Variants in FRMD3 observed in about 807,000 individuals in gnomAD.
FRMD3 encodes FERM domain containing 3.
FRMD3 carries 33 observed loss-of-function variants against 70.2 expected under a neutral mutation model. The observed-to-expected ratio is 0.47, with a 90% CI of 0.36 to 0.63. The LOEUF is 0.63. FRMD3 is among the 20% of genes least tolerant of loss of function. FRMD3 has a pLI of 0.00. For synonymous variants in FRMD3, 279 were observed against 255.9 expected, an observed-to-expected ratio of 1.09 and a Z score of -0.86; for missense variants, 632 against 711.4, an observed-to-expected ratio of 0.89 and a Z score of 1.27.
chr9:83,277,147 T>C (rs935534140), intron 13 of FRMD3, among the ~76,000 whole-genome samples: 3 of 152,224 alleles, frequency 2.0e-5, no homozygotes, highest in Non-Finnish European at 2.9e-5. Context: ...TGTATGTCCA[T>C]TGAATATAAA....
chr9:83,263,148 A>C (rs1209851675), intron 13 of FRMD3, among the ~76,000 whole-genome samples: 2 of 152,236 alleles, frequency 1.3e-5, no homozygotes, highest in Non-Finnish European at 2.9e-5. Context: ...CAGCAACGGC[A>C]TGAGGGGAAG....
intron 13 of FRMD3, among the ~76,000 whole-genome samples, chr9:83,255,929 G>A (rs1182434365): frequency 6.6e-6 from 1 of 152,140 alleles, no homozygotes. Context: ...TCAATATTGT[G>A]AAAATGGCCA....
At chr9:83,577,570 C>T in the FRMD3 span, among the ~76,000 whole-genome samples, 1 of 151,924 alleles carries the variant, frequency 6.6e-6, no homozygotes, top group African/African-American at 2.4e-5. Flanking sequence ...GATCATAGAC[C>T]TAAATGCAAA....
At chr9:83,301,335 C>T (rs1246780249) in intron 10 of FRMD3, among the ~76,000 whole-genome samples, 2 of 152,180 alleles carry the variant, frequency 1.3e-5, no homozygotes, top group African/African-American at 4.8e-5. Context: ...TGTGGCCTGA[C>T]ACTTTATCTA....
At chr9:83,286,538 G>C (rs1484497032) in intron 13 of FRMD3, among the ~76,000 whole-genome samples, 1 of 152,092 alleles carries the variant, frequency 6.6e-6, no homozygotes, top group East Asian at 1.9e-4. Flanking sequence ...CACCATGTTG[G>C]TCAGGCTAGT....
chr9:83,581,905 G>A, the FRMD3 span, among the ~76,000 whole-genome samples: 1 of 152,106 alleles, frequency 6.6e-6, no homozygotes, highest in East Asian at 1.9e-4. Flanking sequence ...GAGAAATGGG[G>A]AGTGATGGGT....
intron 1 of FRMD3, among the ~76,000 whole-genome samples, chr9:83,459,789 T>C (rs990771803): frequency 1.1e-4 from 17 of 152,348 alleles, no homozygotes; most frequent in South Asian, 1.0e-3. Flanking sequence ...ACTGGGTGGC[T>C]CAAACAGCAG....
chr9:83,379,272 T>A (rs1312952510), intron 2 of FRMD3, among the ~76,000 whole-genome samples: 1 of 152,102 alleles, frequency 6.6e-6, no homozygotes, highest in Non-Finnish European at 1.5e-5. Flanking sequence ...GGATTACACT[T>A]GAGGGAAAAA....
At chr9:83,488,496 G>T (rs1564100875) in intron 1 of FRMD3, among the ~76,000 whole-genome samples, 1 of 152,126 alleles carries the variant, frequency 6.6e-6, no homozygotes, top group East Asian at 1.9e-4. Context: ...TAGGACAGGT[G>T]GGATTACAAA....
chr9:83,400,498 A>C (rs1037090097), intron 1 of FRMD3, among the ~76,000 whole-genome samples: 3 of 152,196 alleles, frequency 2.0e-5, no homozygotes, highest in African/African-American at 7.2e-5. Context: ...ATTCAATGCA[A>C]GCTCCATCAA....
At chr9:83,364,153 CAT>C (rs1471911052) in intron 3 of FRMD3, among the ~76,000 whole-genome samples, 1 of 152,194 alleles carries the variant, frequency 6.6e-6, no homozygotes, top group Non-Finnish European at 1.5e-5. Flanking sequence ...TAGCATCAAA[CAT>C]AATACATTCT....
intron 3 of FRMD3, among the ~76,000 whole-genome samples, chr9:83,368,549 A>T (rs974383232): frequency 6.6e-6 from 1 of 152,220 alleles, no homozygotes; most frequent in African/African-American, 2.4e-5. Context: ...TGATTTAAGA[A>T]ACATCTTAAT....
At chr9:83,520,853 A>G (rs5028328) in intron 1 of FRMD3, among the ~76,000 whole-genome samples, 64,807 of 151,686 alleles carry the variant, frequency 0.43, 14,451 homozygotes, top group Middle Eastern at 0.49. Context: ...CGGCTGGCAC[A>G]GTGGCTCACG....
chr9:83,571,947 C>T, the FRMD3 span, among the ~76,000 whole-genome samples: 1 of 152,170 alleles, frequency 6.6e-6, no homozygotes, highest in Non-Finnish European at 1.5e-5. Flanking sequence ...TGTTAAAGCA[C>T]AGATTGCTGG....
At chr9:83,501,164 T>G in intron 1 of FRMD3, among the ~76,000 whole-genome samples, 1 of 152,162 alleles carries the variant, frequency 6.6e-6, no homozygotes, top group East Asian at 1.9e-4. Flanking sequence ...AAACTACACT[T>G]CCTTCTGTAG....
chr9:83,478,342 T>C (rs185115609), intron 1 of FRMD3, among the ~76,000 whole-genome samples: 6 of 152,296 alleles, frequency 3.9e-5, no homozygotes, highest in Admixed American at 2.6e-4. Context: ...AATGAACATA[T>C]GCATACTCTT....
At chr9:83,332,248 A>C (rs1352418780) in intron 6 of FRMD3, among the ~76,000 whole-genome samples, 1 of 152,240 alleles carries the variant, frequency 6.6e-6, no homozygotes, top group African/African-American at 2.4e-5. Flanking sequence ...TGAAGGACTC[A>C]GAAGAAGAAA....
At chr9:83,313,849 G>A in intron 6 of FRMD3, 102 bp from the exon 7 acceptor site, 1 of 851,932 alleles carries the variant, frequency 1.2e-6, no homozygotes, top group South Asian at 1.5e-5. Context: ...TAAATAAAGA[G>A]AAAAACCCTT....
Position 83,514,138 on chromosome 9 carries a change from C to G in FRMD3, c.147+23947G>C, listed in dbSNP as rs566412396. Among the ~76,000 whole-genome samples, 6 of 152,300 alleles carry G rather than the reference C, an allele frequency of 3.9e-5. No homozygotes were observed. The East Asian group carries it at 9.7e-4, about 25-fold the overall frequency. On this transcript the variant is annotated intron_variant, in intron 1 of 13. Coordinates refer to ENST00000304195, the MANE Select transcript of FRMD3 (RefSeq NM_174938.6). ...ACTATTCACTCCCCTGGAAAGGGGG[C>G]TGAAGCCAGGGAGCCAATAGGTCTT...
Sources: gnomAD v4.1 joint callset for allele counts (sites outside exome capture counted in the v4.1 genomes callset) on GRCh38, gnomAD v4.1.1 for gene constraint, MANE v1.5 for transcripts, NCBI Gene and HGNC (gene_info 2026-07-23, HGNC 2026-07-21) for gene names.